Variants in C3 observed in about 807,000 individuals in gnomAD.
The protein encoded by C3 is C3 and PZP-like alpha-2-macroglobulin domain-containing protein 1.
In C3, 97 loss-of-function variants were observed where a neutral mutation model predicts 207.9. The ratio of observed to expected loss-of-function variants is 0.47; its 90% CI spans 0.40 to 0.55. The LOEUF (loss-of-function observed/expected upper bound fraction) is 0.55. C3 is among the 20% of genes least tolerant of loss of function. The pLI, the probability that C3 is intolerant of heterozygous loss-of-function variation, is 0.00. For missense variants in C3, 1,684 were observed against 2,171.7 expected (o/e 0.78, Z 4.46); for synonymous variants, 848 against 857.6 (o/e 0.99, Z 0.20).
In C3 at chr19:6,707,865, C is replaced by A. The variant is rs745884378; in HGVS notation, c.1910G>T (p.Gly637Val). The change falls in exon 15 of 41, where the codon GGT becomes GTT. Residue 637 changes from glycine to valine, a missense_variant. By Grantham distance (109) the Gly-to-Val change is moderately radical (BLOSUM62 -3). Transcript: ENST00000245907. The part of the protein sequence containing the change: ...CTPGSGKDYA[G>V]VFSDAGLTFT... The stretch of plus-strand genomic sequence containing the variant: ...GGTCAGCCCTGCGTCGGAGAAGACA[C>A]CGGCGTAATCCTTCCCACTGCCCGG... The A allele has an allele frequency of 1.2e-6, 2 of 1,613,926 alleles. No individual in the cohort carries two copies. The highest frequency in any genetic ancestry group is 1.7e-6 in the Non-Finnish European group (2 of 1,180,014).
rs972312719 is a variant in C3 at position 6,693,010 on chromosome 19, C to T, written c.3304G>A (p.Gly1102Arg). 4 of 1,614,190 alleles carry T rather than the reference C, an allele frequency of 2.5e-6. No homozygotes were observed. The highest frequency in any genetic ancestry group is 3.4e-6 in the Non-Finnish European group (4 of 1,180,026). The change falls in exon 26 of 41, where the codon GGG becomes AGG. Residue 1102 changes from glycine to arginine, a missense_variant. By Grantham distance (125) the Gly-to-Arg change is moderately radical (BLOSUM62 -2). Around this residue, in one of 3 missense-constraint regions of C3, gnomAD observed 1,280 missense variants for 1,739.1 expected, o/e 0.74. Transcript: ENST00000245907. ...LIAIDSQVLCGAVKWLILEKQ... is the reference protein window; with the variant it reads ...LIAIDSQVLCRAVKWLILEKQ... ...TCCAGGATCAGCCATTTAACAGCCC[C>T]GCAGAGGACTTGGGAGTCGATGGCG...
intron 29 of C3, 127 bp from the exon 30 acceptor site, chr19:6,685,273 T>A: frequency 1.2e-6 from 1 of 842,412 alleles, no homozygotes. Context: ...TACTAGAGAG[T>A]GCAGGGGTGA....
chr19:6,708,470 CTTCT>C (rs1461698391), intron 14 of C3, among the ~76,000 whole-genome samples: 1 of 151,410 alleles, frequency 6.6e-6, no homozygotes, highest in Non-Finnish European at 1.5e-5. Context: ...TTCTTTCTGT[CTTCT>C]TTCTTTCCCT....
intron 17 of C3, among the ~76,000 whole-genome samples, chr19:6,703,101 C>T (rs1967708497): frequency 6.6e-6 from 1 of 152,086 alleles, no homozygotes; most frequent in Non-Finnish European, 1.5e-5. Context: ...CCTTTAGATC[C>T]TACCTCTGCC....
rs571907143 is a variant in C3, at chr19:6,686,173, C to A, written c.3761G>T (p.Arg1254Leu). The A allele has an allele frequency of 6.2e-7, 1 of 1,614,042 alleles. No individual in the cohort carries two copies. The highest frequency in any genetic ancestry group is 8.5e-7 in the Non-Finnish European group (1 of 1,180,024). ...GTAGTATCTCTGTTCATTGAGCCAA[C>A]GCACGACGGGAGGCACAAAGTCAAA... ...KDFDFVPPVV[R>L]WLNEQRYYGG... is the part of the protein sequence containing the mutation. The change falls in exon 29 of 41, where the codon CGT (arginine) becomes CTT (leucine). Residue 1254 changes from arginine (R) to leucine (L), a missense_variant. Physicochemically the swap from Arg to Leu is moderately radical, Grantham distance 102 (BLOSUM62 -2). Coordinates refer to ENST00000245907, the MANE Select transcript of C3 (RefSeq NM_000064.4).
intron 4 of C3, 151 bp downstream of exon 4, chr19:6,717,943 T>TGTGTTGTGTGG: frequency 1.3e-6 from 1 of 775,402 alleles, no homozygotes; most frequent in Non-Finnish European, 2.3e-6. Flanking sequence ...TGTATGTGTG[T>TGTGTTGTGTGG]GTGTTGTGTG....
Position 6,719,245 on chromosome 19 carries a change from G to A in C3, c.233C>T (p.Pro78Leu). The A allele has an allele frequency of 6.2e-7, 1 of 1,614,040 alleles. No homozygotes were observed. Among genetic ancestry groups the A allele is most frequent in the Non-Finnish European group, 8.5e-7 (1 of 1,179,978 alleles). Residue 78 changes from proline to leucine, a missense_variant, in exon 2 of 41, where the codon CCT becomes CTT. Pro to Leu is a moderately conservative substitution (Grantham distance 98). Transcript: ENST00000245907. The surrounding 1 kb of genome is among the most constrained non-coding windows in gnomAD (Gnocchi z 5.4). ...VLSSEKTVLT[P>L]ATNHMGNVTF... The stretch of plus-strand genomic sequence containing the variant: ...GACGTTGCCCATGTGGTTGGTGGCA[G>A]GGGTCAGCACAGTCTTCTCACTGGA...
At chr19:6,697,218 A>C (rs1380200473) in intron 21 of C3, 126 bp downstream of exon 21, 2 of 778,558 alleles carry the variant, frequency 2.6e-6, no homozygotes, top group Non-Finnish European at 4.4e-6. Context: ...GGGACTTCCA[A>C]ATTTCCTAAG....
rs770744810 is a variant in C3 at position 6,683,446 on chromosome 19, A to ATTTTTTTTTT, written c.4172+932_4172+941dup. 8.7e-4 allele frequency: 81 copies of ATTTTTTTTTT among 93,420 alleles called. 3 individuals carry two copies. Among genetic ancestry groups the ATTTTTTTTTT allele is most frequent in the Non-Finnish European group, 9.8e-4 (50 of 51,010 alleles). 5.8% of individuals were successfully genotyped at this position (93,420 alleles called of 1,614,324 possible). On this transcript the variant is annotated intron_variant, in intron 33 of 40. Coordinates refer to ENST00000245907, the MANE Select transcript of C3 (RefSeq NM_000064.4). ...CTGTATCTTTATTTTGTTTTATTCT[A>ATTTTTTTTTT]TTTTTTTTTTTTTTTTTTTTTTGAG...
intron 29 of C3, 37 bp from the exon 30 acceptor site, chr19:6,685,183 G>A (rs1436251043): frequency 2.5e-6 from 4 of 1,601,206 alleles, no homozygotes; most frequent in East Asian, 2.2e-5. Context: ...TGATCTGGGA[G>A]CCTGGGAAAG....
chr19:6,704,181 T>C (rs11569443), intron 17 of C3, among the ~76,000 whole-genome samples: 1,607 of 151,228 alleles, frequency 0.011, 27 homozygotes, highest in African/African-American at 0.036. Context: ...CTCAGAAGGC[T>C]GAGGATGAGA....
At chr19:6,699,148 T>A (rs993009877) in intron 19 of C3, among the ~76,000 whole-genome samples, 1 of 152,192 alleles carries the variant, frequency 6.6e-6, no homozygotes, top group African/African-American at 2.4e-5. Context: ...AAATCTTAAT[T>A]TTTTAAAAAT....
At position 6,709,448 on chromosome 19, in the gene C3, A is replaced by AAAAC. The variant is rs11569424; in HGVS notation, c.1845+232_1845+235dup. Among the ~76,000 whole-genome samples, 28,153 of 151,554 alleles carry AAAAC rather than the reference A, an allele frequency of 0.19. 3,047 individuals carry two copies. Among genetic ancestry groups the AAAAC allele is most frequent in the East Asian group, 0.33 (1,665 of 5,106 alleles). ...GGTGACAGAGAGAGACTCTGTCTCAAAAACAAACAAACAAACAGAAAAAAA... is the reference window on the plus strand; with the variant it reads ...GGTGACAGAGAGAGACTCTGTCTCAAAAACAAACAAACAAACAAACAGAAAAAAA... On this transcript the variant is annotated intron_variant, in intron 14 of 40. Transcript: ENST00000245907.
In C3 at chr19:6,692,097, C is replaced by T. The variant is rs117105469; in HGVS notation, c.3390+827G>A. Among the ~76,000 whole-genome samples, 376 of 151,996 alleles carry T rather than the reference C, an allele frequency of 2.5e-3. 8 individuals carry two copies. The East Asian group carries it at 0.039, about 16-fold the overall frequency. On this transcript the variant is annotated intron_variant, in intron 26 of 40. Transcript: ENST00000245907. ...TTTCTGATTCAGTGAGTCTGGGGTC[C>T]GGTCTCAGAATATGTTTTGTTTTTG...
chr19:6,689,055 G>A (rs1219359391), intron 27 of C3, among the ~76,000 whole-genome samples: 2 of 152,164 alleles, frequency 1.3e-5, no homozygotes, highest in African/African-American at 2.4e-5. Flanking sequence ...AAAGCATCCT[G>A]GCAGAGTCCC....
chr19:6,706,279 C>T (rs1967771983), intron 17 of C3, among the ~76,000 whole-genome samples: 1 of 152,212 alleles, frequency 6.6e-6, no homozygotes, highest in African/African-American at 2.4e-5. Flanking sequence ...CCAATTCAGA[C>T]TGATGGGTGG....
chr19:6,714,514 C>A, intron 4 of C3, 68 bp from the exon 5 acceptor site: 1 of 1,067,862 alleles, frequency 9.4e-7, no homozygotes, highest in Non-Finnish European at 1.4e-6. Flanking sequence ...AGCCTCTCAG[C>A]TCTCCCCGAC....
chr19:6,697,286 A>T, intron 21 of C3, 58 bp downstream of exon 21: 1 of 1,294,792 alleles, frequency 7.7e-7, no homozygotes, highest in Non-Finnish European at 1.1e-6. Flanking sequence ...AGTCAATAGT[A>T]CGAAGACCAG....
chr19:6,718,754 A>C (rs1968098100), intron 2 of C3, among the ~76,000 whole-genome samples: 1 of 146,178 alleles, frequency 6.8e-6, no homozygotes, highest in African/African-American at 2.6e-5. Flanking sequence ...CTAAGAGGGG[A>C]GGAGTTCAGA....
Sources: gnomAD v4.1 joint callset for allele counts (sites outside exome capture counted in the v4.1 genomes callset) on GRCh38, gnomAD v4.1.1 for gene constraint, gnomAD v4.1.1 regional missense constraint, Gnocchi (gnomAD v3.1) non-coding constraint, MANE v1.5 for transcripts, NCBI Gene and HGNC (gene_info 2026-07-23, HGNC 2026-07-21) for gene names.